The following PABPC4L variants were observed in gnomAD, a reference collection of about 807,000 sequenced individuals.
PABPC4L encodes poly(A) binding protein cytoplasmic 4 like.
For synonymous variants in PABPC4L, 169 were observed against 164.1 expected (o/e 1.03, Z -0.23); for missense variants, 452 against 451.4 (o/e 1.00, Z -0.01).
At chr4:134,018,440 C>T in the PABPC4L span, among the ~76,000 whole-genome samples, 4 of 152,050 alleles carry the variant, frequency 2.6e-5, no homozygotes, top group Admixed American at 6.6e-5. Context: ...CATTTGGTGT[C>T]CAAATTATTT....
At chr4:134,017,763 T>C in the PABPC4L span, among the ~76,000 whole-genome samples, 1 of 151,084 alleles carries the variant, frequency 6.6e-6, no homozygotes, top group East Asian at 1.9e-4. Context: ...ATGTTTCTTC[T>C]AAAAACCCCA....
At chr4:134,068,049 G>C in the PABPC4L span, among the ~76,000 whole-genome samples, 2 of 152,214 alleles carry the variant, frequency 1.3e-5, no homozygotes, top group South Asian at 4.1e-4. Flanking sequence ...TTGGTCAAGT[G>C]TTGAGATCAG....
the PABPC4L span, among the ~76,000 whole-genome samples, chr4:134,181,703 C>A: frequency 6.6e-6 from 1 of 151,918 alleles, no homozygotes; most frequent in Non-Finnish European, 1.5e-5. Context: ...ATATAAAAAT[C>A]AGTAGCATTC....
chr4:134,066,366 T>C, the PABPC4L span, among the ~76,000 whole-genome samples: 1 of 152,092 alleles, frequency 6.6e-6, no homozygotes, highest in East Asian at 1.9e-4. Context: ...TATAAAGAAA[T>C]GCTACTGATT....
chr4:134,068,110 T>G, the PABPC4L span, among the ~76,000 whole-genome samples: 10 of 152,148 alleles, frequency 6.6e-5, no homozygotes, highest in African/African-American at 1.9e-4. Flanking sequence ...TCTAATAACG[T>G]TAGTGGAGTG....
chr4:134,172,371 CA>C, the PABPC4L span, among the ~76,000 whole-genome samples: 1 of 151,958 alleles, frequency 6.6e-6, no homozygotes, highest in African/African-American at 2.4e-5. Flanking sequence ...CAAACCCCTA[CA>C]AACATGTGAT....
chr4:134,030,683 A>G, the PABPC4L span, among the ~76,000 whole-genome samples: 1 of 152,126 alleles, frequency 6.6e-6, no homozygotes, highest in Non-Finnish European at 1.5e-5. Flanking sequence ...ATGAATGAAC[A>G]TTGAAATATC....
At chr4:134,168,074 C>T in the PABPC4L span, among the ~76,000 whole-genome samples, 2 of 151,718 alleles carry the variant, frequency 1.3e-5, no homozygotes, top group East Asian at 3.9e-4. Context: ...AAAATAATTA[C>T]CTTTTCTGAC....
At chr4:133,961,099 C>A in the PABPC4L span, among the ~76,000 whole-genome samples, 1 of 152,124 alleles carries the variant, frequency 6.6e-6, no homozygotes, top group Non-Finnish European at 1.5e-5. Context: ...CAGCAGGATA[C>A]CAACCAGACC....
the PABPC4L span, among the ~76,000 whole-genome samples, chr4:134,060,673 G>A: frequency 6.6e-6 from 1 of 151,734 alleles, no homozygotes; most frequent in Non-Finnish European, 1.5e-5. Flanking sequence ...AAAGAGCTGT[G>A]CACCCTAAAT....
At chr4:133,980,758 A>G in the PABPC4L span, among the ~76,000 whole-genome samples, 2 of 152,214 alleles carry the variant, frequency 1.3e-5, no homozygotes, top group Non-Finnish European at 2.9e-5. Context: ...AGTGTTTATT[A>G]ACTTTAAAAA....
chr4:134,177,909 C>T, the PABPC4L span, among the ~76,000 whole-genome samples: 9 of 152,102 alleles, frequency 5.9e-5, no homozygotes, highest in Admixed American at 5.2e-4. Context: ...AAGCAGGCAA[C>T]ACTTGCTAGA....
chr4:134,089,851 G>A, the PABPC4L span, among the ~76,000 whole-genome samples: 1 of 151,984 alleles, frequency 6.6e-6, no homozygotes, highest in Non-Finnish European at 1.5e-5. Flanking sequence ...TATAACCTGG[G>A]ATAATTGCAG....
the PABPC4L span, among the ~76,000 whole-genome samples, chr4:134,165,431 A>C: frequency 6.6e-6 from 1 of 152,144 alleles, no homozygotes; most frequent in Admixed American, 6.6e-5. Flanking sequence ...TTAAATCAGC[A>C]AGCAACAATA....
At chr4:134,048,868 A>T in the PABPC4L span, among the ~76,000 whole-genome samples, 1 of 152,108 alleles carries the variant, frequency 6.6e-6, no homozygotes, top group African/African-American at 2.4e-5. Context: ...GGAATTGGAT[A>T]CACTTCCTAT....
the PABPC4L span, among the ~76,000 whole-genome samples, chr4:134,152,297 T>C: frequency 6.6e-6 from 1 of 152,204 alleles, no homozygotes; most frequent in Admixed American, 6.5e-5. Context: ...TATGTTACAT[T>C]ATAAAGTATG....
the PABPC4L span, among the ~76,000 whole-genome samples, chr4:134,068,226 T>C: frequency 3.3e-5 from 5 of 152,348 alleles, no homozygotes; most frequent in South Asian, 1.0e-3. Context: ...TGCATATATA[T>C]TAACATAGTT....
At chr4:134,164,070 C>T in the PABPC4L span, among the ~76,000 whole-genome samples, 4 of 150,710 alleles carry the variant, frequency 2.7e-5, no homozygotes, top group African/African-American at 7.3e-5. Context: ...GAGACCATCC[C>T]GGCTAAAATG....
chr4:133,961,563 G>T, the PABPC4L span, among the ~76,000 whole-genome samples: 1 of 152,134 alleles, frequency 6.6e-6, no homozygotes, highest in East Asian at 1.9e-4. Context: ...CAATGGTCAG[G>T]ATATAAACCC....
Sources: allele counts gnomAD v4.1 joint callset (sites outside exome capture counted in the v4.1 genomes callset), GRCh38; gene constraint gnomAD v4.1.1; transcripts MANE v1.5; gene names NCBI Gene and HGNC (gene_info 2026-07-23, HGNC 2026-07-21).